PPL: variants seen among roughly 807,000 people sequenced by gnomAD.
The protein encoded by PPL is periplakin, also known as 190 kDa paraneoplastic pemphigus antigen.
Under a neutral mutation model 194.4 loss-of-function variants are expected in PPL, and 198 were observed. The observed-to-expected ratio is 1.02, with a 90% CI of 0.91 to 1.15. The LOEUF (loss-of-function observed/expected upper bound fraction) is 1.15. PPL is among the 50% of genes most tolerant of loss of function. The pLI is 0.00. For missense variants in PPL, 2,885 were observed against 2,294.8 expected (o/e 1.26, Z -5.25); for synonymous variants, 1,220 against 972.4 (o/e 1.25, Z -4.74).
Position 4,885,590 on chromosome 16 carries a change from C to T in PPL, c.3065G>A (p.Arg1022Gln), listed in dbSNP as rs768364959. The T allele has an allele frequency of 2.2e-5, 36 of 1,612,104 alleles. 2 individuals are homozygous for T. The highest frequency in any genetic ancestry group is 2.2e-4 in the South Asian group (20 of 91,070). Reference protein sequence around the residue: ...QLREELEALRRQKGAREAEVL... With the variant: ...QLREELEALRQQKGAREAEVL... The stretch of plus-strand genomic sequence containing the variant: ...CTCTGCCTCCCGGGCGCCCTTCTGC[C>T]GCCTCAGTGCCTCCAGCTCCTCCCG... Residue 1022 changes from arginine (R) to glutamine (Q), a missense_variant, in exon 22 of 22, where the codon CGG becomes CAG. Physicochemically the swap from Arg to Gln is conservative, Grantham distance 43. Transcript: ENST00000345988. This position sits in a 1 kb window ranked among gnomAD's most constrained non-coding sequence, Gnocchi z 6.3.
chr16:4,899,762 G>A lies in PPL; in HGVS notation c.607-378C>T, dbSNP rs538847014. On this transcript the variant is annotated intron_variant, in intron 6 of 21. Coordinates refer to ENST00000345988, the MANE Select transcript of PPL (RefSeq NM_002705.5). ...AAGATGACAGTCCTGACCTCACAGC[G>A]TACAGAGACTGGCATATAGTTGGTG... Among the ~76,000 whole-genome samples, 4 of 152,294 alleles carry A rather than the reference G, an allele frequency of 2.6e-5. No homozygotes were observed. The South Asian group carries it at 8.3e-4, about 32-fold the overall frequency.
At position 4,884,666 on chromosome 16, in the gene PPL, G is replaced by T; in HGVS notation, c.3989C>A (p.Ala1330Asp). 6.2e-7 allele frequency: 1 copy of T among 1,614,100 alleles called. No homozygotes were observed. The highest frequency in any genetic ancestry group is 8.5e-7 in the Non-Finnish European group (1 of 1,180,026). Reference protein sequence around the residue: ...KKQVDLERERASQEEQIARKE... With the variant: ...KKQVDLERERDSQEEQIARKE... ...CCGGGCGATCTGCTCTTCCTGGGAA[G>T]CTCTTTCCCTCTCCAGATCCACTTG... The change falls in exon 22 of 22, where the codon GCT becomes GAT. Residue 1330 changes from alanine to aspartate, a missense_variant. Physicochemically the swap from Ala to Asp is moderately radical, Grantham distance 126. Transcript: ENST00000345988. The surrounding 1 kb of genome is among the most constrained non-coding windows in gnomAD (Gnocchi z 5.7).
chr16:4,890,620 C>T (rs1297435401), intron 17 of PPL, 108 bp downstream of exon 17: 1 of 1,367,750 alleles, frequency 7.3e-7, no homozygotes, highest in Non-Finnish European at 9.8e-7. Context: ...ACGAACTCAC[C>T]AAAAAGAAAA....
Position 4,907,308 on chromosome 16 carries a change from T to TCACACA in PPL, c.163-3274_163-3269dup, listed in dbSNP as rs56210938. On this transcript the variant is annotated intron_variant, in intron 2 of 21. Coordinates refer to ENST00000345988, the MANE Select transcript of PPL (RefSeq NM_002705.5). ...ATTATAGGGACTGATATATCTAATC[T>TCACACA]CACACACACACACACACACACACAC... 4.3e-3 allele frequency among the ~76,000 whole-genome samples: 630 copies of TCACACA among 145,718 alleles called. 8 individuals carry two copies. Among genetic ancestry groups the TCACACA allele is most frequent in the African/African-American group, 0.013 (503 of 38,908 alleles).
At chr16:4,898,950 C>A in intron 8 of PPL, 63 bp downstream of exon 8, 1 of 1,418,254 alleles carries the variant, frequency 7.1e-7, no homozygotes. Flanking sequence ...TCCAGGCGGC[C>A]CACAGGCAGC....
intron 11 of PPL, among the ~76,000 whole-genome samples, chr16:4,895,037 G>A (rs943308287): frequency 6.6e-6 from 1 of 152,200 alleles, no homozygotes. Context: ...GGACTTCTGA[G>A]GAGGGACTGG....
rs767215400 is a variant in PPL, at chr16:4,890,341, A to C, written c.2163-7T>G. 2.5e-6 allele frequency: 4 copies of C among 1,608,260 alleles called. No homozygotes were observed. The East Asian group carries it at 6.7e-5, about 27-fold the overall frequency. Reference sequence around the variant, plus strand: ...GCTCTGTAGGCTCTGCGCCCTGTCAAGGCAAAGCGTTCAGGCCTCAGCCAC... The same window carrying C: ...GCTCTGTAGGCTCTGCGCCCTGTCACGGCAAAGCGTTCAGGCCTCAGCCAC... On this transcript the variant is annotated splice_polypyrimidine_tract_variant and splice_region_variant and intron_variant, in intron 17 of 21. Transcript: ENST00000345988.
intron 3 of PPL, 62 bp downstream of exon 3, chr16:4,903,824 C>A (rs991470460): frequency 6.3e-6 from 10 of 1,586,100 alleles, no homozygotes; most frequent in Admixed American, 1.7e-5. Context: ...CTGAACAGGA[C>A]CCCCCGCCCT....
chr16:4,936,416 G>A (rs1460342067), intron 1 of PPL, among the ~76,000 whole-genome samples: 1 of 152,140 alleles, frequency 6.6e-6, no homozygotes, highest in South Asian at 2.1e-4. Context: ...GTGCAGCGGC[G>A]GGTGGCCCGC....
intron 1 of PPL, among the ~76,000 whole-genome samples, chr16:4,924,000 T>C (rs4786561): frequency 0.9 from 137,018 of 152,148 alleles, 62,431 homozygotes; most frequent in East Asian, 0.99. Flanking sequence ...CCTTAATTTC[T>C]TTCAACATAA....
intron 20 of PPL, 54 bp from the exon 21 acceptor site, chr16:4,887,281 G>T (rs2088234491): frequency 1.5e-6 from 2 of 1,297,090 alleles, no homozygotes; most frequent in Admixed American, 1.7e-5. Flanking sequence ...AACAGGGTAA[G>T]CAACAGAGAG....
Position 4,885,654 on chromosome 16 carries a change from C to A in PPL, c.3001G>T (p.Glu1001Ter). ...TCATCCGCCTGGGCCCTGTCAGGCT[C>A]GATGCGCAGGACCTCCTTGACCACG... ...EYVVKEVLRI[E>*]PDRAQADEVL... Residue 1001 changes from glutamate to a stop codon, truncating the protein, a stop_gained, in exon 22 of 22, where the codon GAG becomes TAG. Coordinates refer to ENST00000345988, the MANE Select transcript of PPL (RefSeq NM_002705.5). LOFTEE classifies it high-confidence loss of function. This position sits in a 1 kb window ranked among gnomAD's most constrained non-coding sequence, Gnocchi z 6.3. 1 of 1,612,832 alleles carries A rather than the reference C, an allele frequency of 6.2e-7. No individual in the cohort carries two copies. Among genetic ancestry groups the A allele is most frequent in the Non-Finnish European group, 8.5e-7 (1 of 1,179,656 alleles).
intron 9 of PPL, among the ~76,000 whole-genome samples, chr16:4,896,124 A>G (rs2142352699): frequency 6.6e-6 from 1 of 152,250 alleles, no homozygotes; most frequent in South Asian, 2.1e-4. Context: ...CCCATTCTTC[A>G]GTCTATCAAC....
At chr16:4,916,989 G>A (rs148276291) in intron 1 of PPL, among the ~76,000 whole-genome samples, 1,550 of 152,120 alleles carry the variant, frequency 0.01, 26 homozygotes, top group African/African-American at 0.034. Flanking sequence ...AAAATTAGCT[G>A]GGCGTGGTGG....
intron 18 of PPL, among the ~76,000 whole-genome samples, 160 bp downstream of exon 18, chr16:4,890,024 G>A (rs2088289719): frequency 6.6e-6 from 1 of 152,268 alleles, no homozygotes; most frequent in Non-Finnish European, 1.5e-5. Flanking sequence ...TCAGAGGGTT[G>A]GGTGTTGGGA....
chr16:4,895,756 T>G (rs1285243806), intron 9 of PPL, 40 bp from the exon 10 acceptor site: 2 of 1,612,698 alleles, frequency 1.2e-6, no homozygotes, highest in Admixed American at 1.7e-5. Context: ...AGGAAACCAC[T>G]AGAAGCACCT....
chr16:4,893,004 A>G, intron 14 of PPL: 1 of 582,422 alleles, frequency 1.7e-6, no homozygotes, highest in South Asian at 3.0e-5. Context: ...GAACAATGCA[A>G]GTCCTGCCAG....
In PPL at chr16:4,918,653, T is replaced by C. The variant is rs189120249; in HGVS notation, c.63-7704A>G. Among the ~76,000 whole-genome samples the C allele has an allele frequency of 3.3e-5, 5 of 152,272 alleles. No homozygotes were observed. The South Asian group carries it at 8.3e-4, about 25-fold the overall frequency. ...AAGAAATTCCATCATTTGGCCACAGTTCCACTGCCAGCAAGCAAGGCAGAG... is the reference window on the plus strand; with the variant it reads ...AAGAAATTCCATCATTTGGCCACAGCTCCACTGCCAGCAAGCAAGGCAGAG... On this transcript the variant is annotated intron_variant, in intron 1 of 21. Transcript: ENST00000345988.
chr16:4,908,178 AAAAG>A (rs1426842528), intron 2 of PPL, among the ~76,000 whole-genome samples: 2 of 150,496 alleles, frequency 1.3e-5, no homozygotes, highest in African/African-American at 4.9e-5. Context: ...AAAAAAAAAA[AAAAG>A]AAAGAAAGAA....
Sources: allele counts gnomAD v4.1 joint callset (sites outside exome capture counted in the v4.1 genomes callset), GRCh38; gene constraint gnomAD v4.1.1; non-coding constraint Gnocchi (gnomAD v3.1); transcripts MANE v1.5; gene names NCBI Gene and HGNC (gene_info 2026-07-23, HGNC 2026-07-21).